RIMS2: variants seen among roughly 807,000 people sequenced by gnomAD.
The protein encoded by RIMS2 is regulating synaptic membrane exocytosis 2.
RIMS2 carries 59 observed loss-of-function variants against 174.4 expected under a neutral mutation model. The observed-to-expected ratio is 0.34, with a 90% confidence interval of 0.27 to 0.42. The LOEUF (loss-of-function observed/expected upper bound fraction) is 0.42. Among genes scored for constraint, RIMS2 ranks in the 10% least tolerant of loss-of-function variants. RIMS2 has a pLI of 1.00. For missense variants in RIMS2, 1,620 were observed against 1,666.3 expected, an observed-to-expected ratio of 0.97 and a Z score of 0.48; for synonymous variants, 606 against 572.5, an observed-to-expected ratio of 1.06 and a Z score of -0.84.
At chr8:104,233,736 C>T (rs76825723) in intron 19 of RIMS2, among the ~76,000 whole-genome samples, 11 of 151,992 alleles carry the variant, frequency 7.2e-5, no homozygotes, top group Non-Finnish European at 1.6e-4. Context: ...TTTTCTATAC[C>T]AGTAGTGCAG....
At chr8:103,815,658 A>G (rs909087244) in intron 3 of RIMS2, among the ~76,000 whole-genome samples, 2 of 152,200 alleles carry the variant, frequency 1.3e-5, no homozygotes, top group African/African-American at 2.4e-5. Context: ...CCTACATCCT[A>G]TCAGCACTAA....
chr8:103,873,219 G>A (rs62527105), intron 3 of RIMS2, among the ~76,000 whole-genome samples: 1 of 152,066 alleles, frequency 6.6e-6, no homozygotes, highest in East Asian at 1.9e-4. Context: ...TTAGGATAAG[G>A]AAGTGAGCAT....
At chr8:103,817,179 G>T (rs1016653905) in intron 3 of RIMS2, among the ~76,000 whole-genome samples, 8 of 152,142 alleles carry the variant, frequency 5.3e-5, no homozygotes, top group African/African-American at 1.9e-4. Flanking sequence ...GGTTGCTTCT[G>T]CTTGAGGTAA....
At chr8:104,124,466 C>G (rs2098412186) in intron 19 of RIMS2, among the ~76,000 whole-genome samples, 1 of 151,954 alleles carries the variant, frequency 6.6e-6, no homozygotes, top group African/African-American at 2.4e-5. Flanking sequence ...TTTTGTTAGC[C>G]TCTACCAGGG....
chr8:104,127,312 C>CA (rs939259432), intron 19 of RIMS2, among the ~76,000 whole-genome samples: 8 of 152,036 alleles, frequency 5.3e-5, no homozygotes, highest in South Asian at 2.1e-4. Flanking sequence ...TAAGGATTCA[C>CA]AAAAAAGGAT....
intron 1 of RIMS2, among the ~76,000 whole-genome samples, chr8:103,623,788 C>G (rs1294731221): frequency 6.9e-6 from 1 of 144,066 alleles, no homozygotes; most frequent in Non-Finnish European, 1.5e-5. Flanking sequence ...CGCGCCCGGT[C>G]TCTTCATTTT....
chr8:103,861,908 A>G (rs181793390), intron 3 of RIMS2, among the ~76,000 whole-genome samples: 1 of 152,112 alleles, frequency 6.6e-6, no homozygotes, highest in Non-Finnish European at 1.5e-5. Flanking sequence ...TAATTTACAA[A>G]TATTTTCTCC....
intron 14 of RIMS2, among the ~76,000 whole-genome samples, 187 bp from the exon 17 acceptor site, chr8:103,960,878 A>T (rs1396571151): frequency 6.6e-6 from 1 of 152,178 alleles, no homozygotes; most frequent in Non-Finnish European, 1.5e-5. Context: ...CTCATCACCC[A>T]TATCCTCACG....
At chr8:103,914,992 A>T (rs191621230) in intron 6 of RIMS2, among the ~76,000 whole-genome samples, 54 of 152,186 alleles carry the variant, frequency 3.5e-4, no homozygotes, top group African/African-American at 1.3e-3. Context: ...TTCTGATGCG[A>T]TTACGTAAAT....
intron 19 of RIMS2, among the ~76,000 whole-genome samples, chr8:104,028,535 A>C (rs1381705406): frequency 1.3e-5 from 2 of 152,158 alleles, no homozygotes; most frequent in Non-Finnish European, 2.9e-5. Context: ...TATGTTTTAA[A>C]AATAGATGCT....
At chr8:103,721,050 C>A (rs1455952228) in intron 2 of RIMS2, among the ~76,000 whole-genome samples, 1 of 152,084 alleles carries the variant, frequency 6.6e-6, no homozygotes, top group Admixed American at 6.6e-5. Context: ...GTGGATCCTT[C>A]ATGAATGGTT....
intron 2 of RIMS2, among the ~76,000 whole-genome samples, chr8:103,710,099 G>T (rs149247189): frequency 6.6e-6 from 1 of 151,956 alleles, no homozygotes; most frequent in African/African-American, 2.4e-5. Flanking sequence ...TATGTAGAAG[G>T]CTTTTGTTCC....
intron 19 of RIMS2, among the ~76,000 whole-genome samples, chr8:104,171,362 T>C (rs1045655852): frequency 6.6e-6 from 1 of 151,928 alleles, no homozygotes; most frequent in African/African-American, 2.4e-5. Context: ...TGTCTTTGTC[T>C]GATTGGATTA....
At position 103,954,792 on chromosome 8, in the gene RIMS2, C is replaced by A. The variant is rs546651617; in HGVS notation, c.2702-6273C>A. ...GGAGACAGAGACACGAAAAAACATTCAAAAAAATCAACAAATCCAGGAGCT... is the reference window on the plus strand; with the variant it reads ...GGAGACAGAGACACGAAAAAACATTAAAAAAAATCAACAAATCCAGGAGCT... On this transcript the variant is annotated intron_variant, in intron 14 of 23. Coordinates refer to ENST00000504942, the Ensembl canonical transcript of RIMS2. Among the ~76,000 whole-genome samples the A allele has an allele frequency of 5.9e-5, 9 of 151,874 alleles. No homozygotes were observed. The East Asian group carries it at 1.5e-3, about 26-fold the overall frequency.
chr8:104,048,885 A>C (rs1041330042), intron 19 of RIMS2, among the ~76,000 whole-genome samples: 2 of 151,834 alleles, frequency 1.3e-5, no homozygotes, highest in African/African-American at 4.8e-5. Flanking sequence ...AATATCATTA[A>C]CTCTTTATGA....
intron 4 of RIMS2, among the ~76,000 whole-genome samples, chr8:103,902,339 G>A (rs1362751642): frequency 1.3e-5 from 2 of 152,136 alleles, no homozygotes; most frequent in Non-Finnish European, 2.9e-5. Context: ...ACTTAACAGT[G>A]TCATGGGAGT....
At chr8:103,866,066 T>C (rs777959289) in intron 3 of RIMS2, among the ~76,000 whole-genome samples, 5 of 152,200 alleles carry the variant, frequency 3.3e-5, no homozygotes, top group Non-Finnish European at 7.4e-5. Flanking sequence ...TCTGAATTTA[T>C]AAACTTTCTT....
intron 15 of RIMS2, among the ~76,000 whole-genome samples, chr8:103,970,778 T>G (rs1200061971): frequency 1.5e-4 from 23 of 152,168 alleles, no homozygotes; most frequent in Admixed American, 1.5e-3. Context: ...CAAGATAATT[T>G]GTCGCTTTTT....
At chr8:104,146,204 CAAAAAA>C (rs36101798) in intron 19 of RIMS2, among the ~76,000 whole-genome samples, 7 of 65,918 alleles carry the variant, frequency 1.1e-4, no homozygotes, top group Non-Finnish European at 1.4e-4. Context: ...TCTCCTCTCC[CAAAAAA>C]AAAAAAAAAA....
Sources: gnomAD v4.1 joint callset for allele counts (sites outside exome capture counted in the v4.1 genomes callset) on GRCh38, gnomAD v4.1.1 for gene constraint, MANE v1.5 for transcripts, NCBI Gene and HGNC (gene_info 2026-07-23, HGNC 2026-07-21) for gene names.